HMGN5: variants seen among roughly 807,000 people sequenced by gnomAD.
HMGN5 encodes high mobility group nucleosome binding domain 5, also known as high mobility group nucleosome-binding domain-containing protein 5.
In HMGN5, 4 loss-of-function variants were observed where a neutral mutation model predicts 9.5. The ratio of observed to expected loss-of-function variants is 0.42; its 90% confidence interval spans 0.21 to 0.96. The LOEUF (loss-of-function observed/expected upper bound fraction) is 0.96, where lower values mean the gene tolerates loss of function less well. Among genes scored for constraint, HMGN5 ranks in the 40% least tolerant of loss-of-function variants. The probability of loss-of-function intolerance (pLI) is 0.30; values close to 1 mark genes in which losing one functional copy is unlikely to be tolerated. For missense variants in HMGN5, 192 were observed against 187.5 expected (o/e 1.02, Z -0.14); for synonymous variants, 55 against 57.1 (o/e 0.96, Z 0.16).
intron 1 of HMGN5, among the ~76,000 whole-genome samples, chrX:81,173,895 A>T (rs1317538736): frequency 9.0e-6 from 1 of 111,056 alleles, no homozygotes; most frequent in Non-Finnish European, 1.9e-5. Context: ...TGTCTATTTT[A>T]TTGCATTTAT....
chrX:81,157,933 C>T (rs1019237080), intron 1 of HMGN5, among the ~76,000 whole-genome samples: 3 of 110,068 alleles, frequency 2.7e-5, no homozygotes, highest in Non-Finnish European at 5.7e-5. Flanking sequence ...GTGCCCGCCA[C>T]CATGCCCGGC....
At chrX:81,162,053 G>A (rs1413787116) in intron 1 of HMGN5, among the ~76,000 whole-genome samples, 1 of 111,144 alleles carries the variant, frequency 9.0e-6, no homozygotes, top group East Asian at 2.8e-4. Context: ...ATGTAAAGCA[G>A]TGCCTCCTAG....
chrX:81,153,581 CTCTATATATATATATATATATATATATA>C (rs1166330455), intron 1 of HMGN5, among the ~76,000 whole-genome samples: 208 of 9,620 alleles, frequency 0.022, 13 homozygotes, highest in Non-Finnish European at 0.033. Flanking sequence ...CTCTCTCTCT[CTCTATATATATATATATATATATATATA>C]TATATATATA....
At chrX:81,196,528 G>GT (rs58161179) in intron 1 of HMGN5, among the ~76,000 whole-genome samples, 3,055 of 105,092 alleles carry the variant, frequency 0.029, 105 homozygotes, top group African/African-American at 0.097. Flanking sequence ...GATCTCATGG[G>GT]TTTTTTTTGT....
At chrX:81,166,241 T>A (rs745870846) in intron 1 of HMGN5, among the ~76,000 whole-genome samples, 3 of 111,564 alleles carry the variant, frequency 2.7e-5, no homozygotes, top group Non-Finnish European at 3.8e-5. Flanking sequence ...ATTTTAAAGG[T>A]AATTGACTAA....
chrX:81,140,487 A>G (rs1157720395), intron 1 of HMGN5, among the ~76,000 whole-genome samples: 1 of 103,596 alleles, frequency 9.7e-6, no homozygotes, highest in Non-Finnish European at 2.0e-5. Context: ...GTGAACCCGG[A>G]AGGGGGAGCT....
chrX:81,118,568 G>A, intron 4 of HMGN5, 83 bp from the exon 5 acceptor site: 2 of 868,772 alleles, frequency 2.3e-6, no homozygotes, highest in South Asian at 2.3e-5. Context: ...TCCAACCTCT[G>A]AATTAAAATA....
At chrX:81,164,073 ACAAT>A (rs930059889) in intron 1 of HMGN5, among the ~76,000 whole-genome samples, 2 of 111,911 alleles carry the variant, frequency 1.8e-5, no homozygotes, top group African/African-American at 6.5e-5. Context: ...GATGCCCAAC[ACAAT>A]CAATGCTATT....
chrX:81,142,515 T>C (rs187127802), intron 1 of HMGN5, among the ~76,000 whole-genome samples: 28 of 111,452 alleles, frequency 2.5e-4, no homozygotes, highest in African/African-American at 8.1e-4. Context: ...CTCCAATAAA[T>C]CTTGCAGCAG....
chrX:81,190,925 T>C (rs2075492438), intron 1 of HMGN5, among the ~76,000 whole-genome samples: 1 of 111,791 alleles, frequency 8.9e-6, no homozygotes, highest in Non-Finnish European at 1.9e-5. Flanking sequence ...TCCCTTGATC[T>C]ATTTGTTCTT....
chrX:81,190,556 T>C (rs1170896556), intron 1 of HMGN5, among the ~76,000 whole-genome samples: 1 of 111,544 alleles, frequency 9.0e-6, no homozygotes, highest in Non-Finnish European at 1.9e-5. Context: ...ATATTCTCTG[T>C]AAGAAATTTG....
At chrX:81,148,103 G>T (rs1007910149) in intron 1 of HMGN5, among the ~76,000 whole-genome samples, 3 of 111,908 alleles carry the variant, frequency 2.7e-5, no homozygotes, top group Non-Finnish European at 5.6e-5. Flanking sequence ...AGCTACCATT[G>T]ACTTTCTTCA....
chrX:81,176,531 AC>A (rs1340020458), intron 1 of HMGN5, among the ~76,000 whole-genome samples: 3 of 110,626 alleles, frequency 2.7e-5, no homozygotes, highest in Non-Finnish European at 5.7e-5. Flanking sequence ...GAAGCTAAAA[AC>A]CTTGAAAAAA....
chrX:81,114,721 C>T lies in HMGN5; in HGVS notation c.777G>A (p.Glu259=). ...AGKEKEDLKE[E]EEGKEEDEIK... Reference sequence around the variant, plus strand: ...TCTCATCTTCCTCTTTTCCTTCTTCCTCTTCTTTTAAATCTTCTTTCTCTT... The same window carrying T: ...TCTCATCTTCCTCTTTTCCTTCTTCTTCTTCTTTTAAATCTTCTTTCTCTT... Residue 259 remains glutamate (E), a synonymous_variant, in exon 7 of 7, where the codon GAG becomes GAA. Transcript: ENST00000358130. 1 of 1,159,692 alleles carries T rather than the reference C, an allele frequency of 8.6e-7. No individual in the cohort carries two copies. The highest frequency in any genetic ancestry group is 1.1e-6 in the Non-Finnish European group (1 of 870,237).
chrX:81,131,314 C>T (rs1052590942), intron 1 of HMGN5, among the ~76,000 whole-genome samples: 27 of 111,063 alleles, frequency 2.4e-4, no homozygotes, highest in Admixed American at 2.3e-3. Flanking sequence ...CATTTGCTGT[C>T]CATTTAGGCT....
At chrX:81,197,395 T>C (rs899512516) in intron 1 of HMGN5, among the ~76,000 whole-genome samples, 4 of 112,284 alleles carry the variant, frequency 3.6e-5, no homozygotes, top group African/African-American at 9.7e-5. Context: ...TTTGTAGTGT[T>C]TTGTAGGTAA....
rs148090107 is a variant in HMGN5 at position 81,116,269 on chromosome X, G to T, written c.202C>A (p.Gln68Lys). The T allele has an allele frequency of 3.1e-5, 37 of 1,194,289 alleles. 1 individual carries two copies. In the African/African-American group the frequency reaches 5.1e-4, roughly 16 times the overall value. Reference sequence around the variant, plus strand: ...TAGTCTTCTTCAACAACTGCTTCTTGCTTGGTTTCAGCAACTGCTTGGGCA... The same window carrying T: ...TAGTCTTCTTCAACAACTGCTTCTTTCTTGGTTTCAGCAACTGCTTGGGCA... Reference protein sequence around the residue: ...TSAQAVAETKQEAVVEEDYNE... With the variant: ...TSAQAVAETKKEAVVEEDYNE... The change falls in exon 6 of 7, where the codon CAA becomes AAA. Residue 68 changes from glutamine (Q) to lysine (K), a missense_variant. Gln to Lys is a moderately conservative substitution (Grantham distance 53). Coordinates refer to ENST00000358130, the MANE Select transcript of HMGN5 (RefSeq NM_030763.3).
At chrX:81,131,710 TA>T (rs2075298023) in intron 1 of HMGN5, among the ~76,000 whole-genome samples, 1 of 111,372 alleles carries the variant, frequency 9.0e-6, no homozygotes, top group Admixed American at 9.6e-5. Flanking sequence ...TGAATGAACT[TA>T]CCTCAAAGAA....
chrX:81,171,286 GGTAA>G (rs2075425212), intron 1 of HMGN5, among the ~76,000 whole-genome samples: 1 of 111,523 alleles, frequency 9.0e-6, no homozygotes, highest in African/African-American at 3.3e-5. Context: ...ATGAATTTTA[GGTAA>G]GTAAGAAGAA....
Sources: gnomAD v4.1 joint callset for allele counts (sites outside exome capture counted in the v4.1 genomes callset) on GRCh38, gnomAD v4.1.1 for gene constraint, MANE v1.5 for transcripts, NCBI Gene and HGNC (gene_info 2026-07-23, HGNC 2026-07-21) for gene names.